The following XDH variants were observed in gnomAD, a reference collection of about 807,000 sequenced individuals.
XDH encodes xanthine dehydrogenase/oxidase.
XDH carries 138 observed loss-of-function variants against 156.1 expected under a neutral mutation model. That is an observed-to-expected ratio of 0.88 (90% CI 0.77 to 1.02). The LOEUF (loss-of-function observed/expected upper bound fraction) is 1.02, where lower values mean the gene tolerates loss of function less well. XDH is among the 50% of genes least tolerant of loss of function. XDH has a pLI of 0.00. For missense variants in XDH, 1,849 were observed against 1,684.9 expected (o/e 1.10, Z -1.71); for synonymous variants, 669 against 625.7 (o/e 1.07, Z -1.03).
intron 1 of XDH, among the ~76,000 whole-genome samples, chr2:31,409,782 T>G (rs1687292491): frequency 1.3e-5 from 2 of 152,212 alleles, no homozygotes; most frequent in African/African-American, 4.8e-5. Context: ...ACCTGTCCAC[T>G]GTTGATGGGA....
intron 23 of XDH, 49 bp from the exon 24 acceptor site, chr2:31,364,293 C>T (rs1444085535): frequency 2.0e-5 from 31 of 1,580,056 alleles, no homozygotes; most frequent in Non-Finnish European, 2.5e-5. Context: ...CCGTTTCCCC[C>T]ACCTCTCTGT....
At chr2:31,363,759 G>A (rs1404856492) in intron 24 of XDH, among the ~76,000 whole-genome samples, 2 of 152,152 alleles carry the variant, frequency 1.3e-5, no homozygotes, top group Non-Finnish European at 2.9e-5. Flanking sequence ...GATCATCACT[G>A]CTAACAGTTT....
At chr2:31,401,467 A>G in intron 3 of XDH, 139 bp from the exon 4 acceptor site, 1 of 922,826 alleles carries the variant, frequency 1.1e-6, no homozygotes, top group Non-Finnish European at 1.7e-6. Context: ...CTCTTCTACC[A>G]GTGTCCTCAC....
At chr2:31,400,241 T>TC (rs1687019013) in intron 4 of XDH, among the ~76,000 whole-genome samples, 1 of 148,264 alleles carries the variant, frequency 6.7e-6, no homozygotes, top group Admixed American at 6.7e-5. Flanking sequence ...AACTTCTTTT[T>TC]TTTTTTTTTT....
intron 6 of XDH, 91 bp downstream of exon 6, chr2:31,397,577 A>G (rs2148003068): frequency 6.8e-7 from 1 of 1,475,852 alleles, no homozygotes; most frequent in South Asian, 1.1e-5. Flanking sequence ...TTGTTTGTAG[A>G]CCAGAGGCCC....
rs1373182345 is a variant in XDH, at chr2:31,378,163, GAAGGAAGGAAGGAAGCAAGC to G, written c.1243-946_1243-927del. ...GGAAGGAAGGAAGGAAGGAAGGAAG[GAAGGAAGGAAGGAAGCAAGC>G]AAGCAAGCAAAGCAAGAAAGCAAGC... On this transcript the variant is annotated intron_variant, in intron 13 of 35. Coordinates refer to ENST00000379416, the MANE Select transcript of XDH (RefSeq NM_000379.4). 7.7e-3 allele frequency among the ~76,000 whole-genome samples: 845 copies of G among 110,046 alleles called. 38 individuals carry two copies. The highest frequency in any genetic ancestry group is 0.014 in the African/African-American group (426 of 30,338). The allele number at this position is 110,046 out of a possible 152,430, so 72.2% of individuals were successfully genotyped here. A position where few individuals can be genotyped will look rare whatever the true frequency, so the allele number is the denominator to read the frequency against.
At chr2:31,395,771 T>G (rs1321568517) in intron 6 of XDH, among the ~76,000 whole-genome samples, 1 of 152,252 alleles carries the variant, frequency 6.6e-6, no homozygotes, top group Non-Finnish European at 1.5e-5. Context: ...AGTTGTCCTG[T>G]GACCTCATTC....
intron 24 of XDH, among the ~76,000 whole-genome samples, chr2:31,363,002 C>T (rs570350741): frequency 2.4e-4 from 36 of 152,234 alleles, no homozygotes; most frequent in Admixed American, 1.1e-3. Flanking sequence ...ACAGGAGTGA[C>T]GTAGTGATAC....
At chr2:31,405,702 T>A (rs1343263331) in intron 2 of XDH, among the ~76,000 whole-genome samples, 1 of 152,094 alleles carries the variant, frequency 6.6e-6, no homozygotes, top group Non-Finnish European at 1.5e-5. Context: ...ACCTCGAAGA[T>A]CACCACAAAC....
chr2:31,348,236 C>T (rs367750564), intron 28 of XDH, 32 bp downstream of exon 28: 18 of 1,606,008 alleles, frequency 1.1e-5, no homozygotes, highest in East Asian at 4.5e-5. Context: ...CCTCTAACAA[C>T]GGACACAACA....
intron 13 of XDH, among the ~76,000 whole-genome samples, chr2:31,378,124 AAGG>A (rs1686315641): frequency 1.9e-5 from 1 of 51,542 alleles, no homozygotes; most frequent in Admixed American, 2.0e-4. Flanking sequence ...GGAAGGAAGG[AAGG>A]AAGGAAGGAA....
chr2:31,355,062 G>A (rs1685588687), intron 24 of XDH, among the ~76,000 whole-genome samples: 1 of 152,066 alleles, frequency 6.6e-6, no homozygotes, highest in African/African-American at 2.4e-5. Context: ...TTACCTATAG[G>A]GGGAGCCTAA....
At chr2:31,346,342 C>T (rs45481596) in intron 30 of XDH, among the ~76,000 whole-genome samples, 2,241 of 152,280 alleles carry the variant, frequency 0.015, 57 homozygotes, top group African/African-American at 0.051. Context: ...TCTCCCCACG[C>T]TGTCACAGAG....
intron 26 of XDH, 41 bp downstream of exon 26, chr2:31,349,645 A>G (rs1202803420): frequency 6.2e-7 from 1 of 1,613,536 alleles, no homozygotes; most frequent in South Asian, 1.1e-5. Context: ...GTAGGATATG[A>G]AACCCAGAAG....
intron 24 of XDH, among the ~76,000 whole-genome samples, chr2:31,354,373 T>C (rs973175901): frequency 3.3e-5 from 5 of 152,184 alleles, no homozygotes; most frequent in African/African-American, 1.2e-4. Flanking sequence ...GAAAAATCAC[T>C]TGTCATACCA....
chr2:31,344,498 G>GTA (rs1314417993), intron 31 of XDH, among the ~76,000 whole-genome samples, 186 bp downstream of exon 31: 4 of 152,176 alleles, frequency 2.6e-5, no homozygotes, highest in African/African-American at 9.7e-5. Flanking sequence ...TTACCCCTTG[G>GTA]CACACAGTGT....
intron 6 of XDH, among the ~76,000 whole-genome samples, chr2:31,396,140 C>G (rs1041304531): frequency 6.6e-6 from 1 of 152,138 alleles, no homozygotes; most frequent in Non-Finnish European, 1.5e-5. Context: ...TTCTGAGCAC[C>G]TTTTGTGTGT....
chr2:31,372,246 C>T lies in XDH; in HGVS notation c.1838G>A (p.Arg613Gln), dbSNP rs1172296262. The T allele has an allele frequency of 7.4e-6, 12 of 1,614,076 alleles. No homozygotes were observed. Among genetic ancestry groups the T allele is most frequent in the East Asian group, 6.7e-5 (3 of 44,890 alleles). ...CACTCACTTGATCTTGGCGTGGGCC[C>T]GGGTGCTGGTGACCAGCCGGAGAGA... is the stretch of plus-strand genomic sequence containing the variant. ...ELSLRLVTST[R>Q]AHAKIKSIDT... Residue 613 changes from arginine to glutamine, a missense_variant, in exon 17 of 36, where the codon CGG becomes CAG. Transcript: ENST00000379416.
chr2:31,376,081 T>C (rs1686237527), intron 14 of XDH, among the ~76,000 whole-genome samples: 1 of 152,142 alleles, frequency 6.6e-6, no homozygotes, highest in Non-Finnish European at 1.5e-5. Context: ...ATTTCTGTTA[T>C]ATAATAACCA....
Sources: gnomAD v4.1 joint callset for allele counts (sites outside exome capture counted in the v4.1 genomes callset) on GRCh38, gnomAD v4.1.1 for gene constraint, MANE v1.5 for transcripts, NCBI Gene and HGNC (gene_info 2026-07-23, HGNC 2026-07-21) for gene names.